Variants in AP4E1 observed in about 807,000 individuals in gnomAD.
AP4E1 encodes the protein AP-4 complex subunit epsilon-1.
Under a neutral mutation model 128.2 loss-of-function variants are expected in AP4E1, and 56 were observed. The observed-to-expected ratio is 0.44, with a 90% confidence interval of 0.35 to 0.55. The LOEUF (loss-of-function observed/expected upper bound fraction) is 0.55. AP4E1 is among the 20% of genes least tolerant of loss of function. The pLI, the probability that AP4E1 is intolerant of heterozygous loss-of-function variation, is 0.00. For synonymous variants in AP4E1, 484 were observed against 473.1 expected (o/e 1.02, Z -0.30); for missense variants, 1,324 against 1,307.7 (o/e 1.01, Z -0.19).
rs1340154223 is a variant in AP4E1 at position 50,934,695 on chromosome 15, A to G, written c.941A>G (p.Tyr314Cys). 4 of 1,586,756 alleles carry G rather than the reference A, an allele frequency of 2.5e-6. No individual in the cohort carries two copies. The highest frequency in any genetic ancestry group is 2.7e-5 in the African/African-American group (2 of 74,306). ...GCTGAGTTAAATCACAATGTCACAT[A>G]TGGTAGGTAATATATGTAAATATTA... ...RRAELNHNVT[Y>C]AILFECVHTV... Residue 314 changes from tyrosine (Y) to cysteine (C), a missense_variant and splice_region_variant, in exon 8 of 21, where the codon TAT (tyrosine) becomes TGT (cysteine). Coordinates refer to ENST00000261842, the MANE Select transcript of AP4E1 (RefSeq NM_007347.5).
intron 13 of AP4E1, among the ~76,000 whole-genome samples, chr15:50,955,657 C>T (rs2064212460): frequency 6.6e-6 from 1 of 152,180 alleles, no homozygotes. Context: ...CTGACACACT[C>T]CCATCAGAGA....
At chr15:50,951,659 C>T (rs1231000626) in intron 13 of AP4E1, among the ~76,000 whole-genome samples, 1 of 151,440 alleles carries the variant, frequency 6.6e-6, no homozygotes, top group Non-Finnish European at 1.5e-5. Context: ...TTCTCATCTG[C>T]AGAAAAGTTA....
intron 20 of AP4E1, among the ~76,000 whole-genome samples, chr15:51,001,485 C>G (rs1386167903): frequency 2.0e-5 from 3 of 152,190 alleles, no homozygotes; most frequent in South Asian, 2.1e-4. Context: ...TCAACTGGAA[C>G]ACTATACCCA....
At chr15:50,972,043 G>T (rs1313625733) in intron 15 of AP4E1, among the ~76,000 whole-genome samples, 1 of 151,988 alleles carries the variant, frequency 6.6e-6, no homozygotes, top group Non-Finnish European at 1.5e-5. Context: ...TTCCTATGTT[G>T]ATTTGTATGA....
intron 15 of AP4E1, among the ~76,000 whole-genome samples, chr15:50,969,425 G>C (rs2064445326): frequency 1.3e-5 from 2 of 152,072 alleles, no homozygotes; most frequent in Admixed American, 1.3e-4. Flanking sequence ...ATTAGTCTGA[G>C]CATATCTGTG....
chr15:50,957,724 T>A (rs1227671625), intron 13 of AP4E1, among the ~76,000 whole-genome samples: 1 of 142,614 alleles, frequency 7.0e-6, no homozygotes, highest in Non-Finnish European at 1.5e-5. Context: ...TTGCCCAGGC[T>A]GGAGTGCAGT....
chr15:50,975,868 T>G (rs2064543252), intron 15 of AP4E1, among the ~76,000 whole-genome samples: 2 of 152,094 alleles, frequency 1.3e-5, no homozygotes, highest in South Asian at 4.1e-4. Flanking sequence ...CCTAGCAATT[T>G]GGGAGGCCAT....
At chr15:50,934,954 A>G (rs890736034) in intron 8 of AP4E1, among the ~76,000 whole-genome samples, 3 of 152,006 alleles carry the variant, frequency 2.0e-5, no homozygotes, top group African/African-American at 4.8e-5. Flanking sequence ...TCAATTATCT[A>G]TTTTTTTCAA....
At chr15:50,954,124 A>G (rs2064186000) in intron 13 of AP4E1, among the ~76,000 whole-genome samples, 1 of 152,188 alleles carries the variant, frequency 6.6e-6, no homozygotes, top group South Asian at 2.1e-4. Context: ...TTGCTGAACT[A>G]ACTTAATAGT....
rs567032766 is a variant in AP4E1 at position 50,981,447 on chromosome 15, G to T, written c.1967-2575G>T. 3.1e-4 allele frequency among the ~76,000 whole-genome samples: 47 copies of T among 152,320 alleles called. 1 individual carries two copies. Among genetic ancestry groups the T allele is most frequent in the Admixed American group, 2.6e-3 (40 of 15,304 alleles). On this transcript the variant is annotated intron_variant, in intron 15 of 20. Transcript: ENST00000261842. The stretch of plus-strand genomic sequence containing the variant: ...CCTGCTCCACTATTGTATTTTGGAA[G>T]CACATAACTTGTTAATTTCACAGCC...
intron 13 of AP4E1, among the ~76,000 whole-genome samples, chr15:50,955,791 C>CA (rs2064215407): frequency 6.6e-6 from 1 of 152,178 alleles, no homozygotes; most frequent in Non-Finnish European, 1.5e-5. Flanking sequence ...CCTGACTCCC[C>CA]ACTCAGTCTT....
chr15:50,965,030 G>A (rs1037803591), intron 14 of AP4E1, among the ~76,000 whole-genome samples: 3 of 148,302 alleles, frequency 2.0e-5, no homozygotes, highest in African/African-American at 5.0e-5. Flanking sequence ...GCCATGTGAT[G>A]TGCTTGCTTC....
At chr15:50,935,508 C>A (rs1236296225) in intron 8 of AP4E1, among the ~76,000 whole-genome samples, 1 of 151,944 alleles carries the variant, frequency 6.6e-6, no homozygotes, top group Non-Finnish European at 1.5e-5. Context: ...TTTTGATTAG[C>A]CTGAGAAAGC....
chr15:50,990,614 G>T (rs1457309333), intron 16 of AP4E1, among the ~76,000 whole-genome samples: 1 of 152,030 alleles, frequency 6.6e-6, no homozygotes, highest in Admixed American at 6.6e-5. Flanking sequence ...TTGAACTCCT[G>T]GGCTCAAGTG....
intron 1 of AP4E1, among the ~76,000 whole-genome samples, chr15:50,909,742 C>T (rs2063540693): frequency 6.6e-6 from 1 of 152,020 alleles, no homozygotes; most frequent in Non-Finnish European, 1.5e-5. Context: ...GGCTGGAGTG[C>T]AGTGGCGCGA....
intron 3 of AP4E1, among the ~76,000 whole-genome samples, chr15:50,923,336 T>A (rs566886486): frequency 6.6e-6 from 1 of 152,244 alleles, no homozygotes; most frequent in African/African-American, 2.4e-5. Context: ...ATAAAAATGC[T>A]TATTTAAGCC....
In AP4E1 at chr15:50,912,059, A is replaced by G; in HGVS notation, c.151-19A>G. On this transcript the variant is annotated intron_variant, in intron 1 of 20. Coordinates refer to ENST00000261842, the MANE Select transcript of AP4E1 (RefSeq NM_007347.5). ...TAAAAGACAGTTAATCAAGCATTTA[A>G]ATATTTTCACTTTCTCAGGAAGAAG... is the stretch of plus-strand genomic sequence containing the variant. The G allele has an allele frequency of 6.2e-7, 1 of 1,603,322 alleles. No individual in the cohort carries two copies. The highest frequency in any genetic ancestry group is 8.5e-7 in the Non-Finnish European group (1 of 1,170,190).
intron 3 of AP4E1, 23 bp downstream of exon 3, chr15:50,915,594 T>C (rs1460856436): frequency 2.5e-6 from 4 of 1,612,814 alleles, no homozygotes; most frequent in East Asian, 2.2e-5. Flanking sequence ...TTTAAGACTT[T>C]GATGCTTTCA....
chr15:50,955,059 A>T (rs1269162121), intron 13 of AP4E1, among the ~76,000 whole-genome samples: 1 of 152,184 alleles, frequency 6.6e-6, no homozygotes, highest in Non-Finnish European at 1.5e-5. Context: ...TCCATGGTGT[A>T]TATGTGCCAC....
Sources: allele counts gnomAD v4.1 joint callset (sites outside exome capture counted in the v4.1 genomes callset), GRCh38; gene constraint gnomAD v4.1.1; transcripts MANE v1.5; gene names NCBI Gene and HGNC (gene_info 2026-07-23, HGNC 2026-07-21).